The following CDC42BPB variants were observed in gnomAD, a reference collection of about 807,000 sequenced individuals.
CDC42BPB encodes the protein serine/threonine-protein kinase MRCK beta.
A neutral mutation model predicts 214.9 loss-of-function variants in CDC42BPB; 37 were observed. That is an observed-to-expected ratio of 0.17 (90% confidence interval 0.13 to 0.23). CDC42BPB has a LOEUF of 0.23. Among genes scored for constraint, CDC42BPB ranks in the 10% least tolerant of loss-of-function variants. The pLI is 1.00. For missense variants in CDC42BPB, 1,694 were observed against 2,227.0 expected (o/e 0.76, Z 4.82); for synonymous variants, 931 against 884.0 (o/e 1.05, Z -0.94).
At position 102,944,274 on chromosome 14, in the gene CDC42BPB, G is replaced by T; in HGVS notation, c.4025C>A (p.Thr1342Asn). 1 of 1,613,212 alleles carries T rather than the reference G, an allele frequency of 6.2e-7. No individual in the cohort carries two copies. Residue 1342 changes from threonine to asparagine, a missense_variant, in exon 30 of 37, where the codon ACC (threonine) becomes AAC (asparagine). Physicochemically the swap from Thr to Asn is moderately conservative, Grantham distance 65. Transcript: ENST00000361246. The surrounding 1 kb of genome is among the most constrained non-coding windows in gnomAD (Gnocchi z 6.6). The part of the protein sequence containing the change: ...ATATLKRNSG[T>N]CLFVAVKRLI... ...CCGTTTCACGGCCACAAACAGGCAG[G>T]TGCCAGAGTTCCTCTTGAGTGTGGC...
At chr14:102,953,152 C>T (rs913041518) in intron 23 of CDC42BPB, among the ~76,000 whole-genome samples, 9 of 152,244 alleles carry the variant, frequency 5.9e-5, no homozygotes, top group African/African-American at 2.2e-4. Context: ...GTGGTGCAGG[C>T]CATGCGGGAC....
intron 1 of CDC42BPB, among the ~76,000 whole-genome samples, chr14:103,049,116 T>C (rs1028019280): frequency 1.9e-4 from 29 of 152,278 alleles, no homozygotes; most frequent in Admixed American, 5.9e-4. Context: ...GGAGGGACAA[T>C]GTAGAACAGT....
At chr14:102,949,067 A>G (rs1340745643) in intron 26 of CDC42BPB, among the ~76,000 whole-genome samples, 1 of 152,186 alleles carries the variant, frequency 6.6e-6, no homozygotes, top group Non-Finnish European at 1.5e-5. Flanking sequence ...GCACCACACA[A>G]CAGACGGTGC....
chr14:103,056,343 A>T (rs1226315111), intron 1 of CDC42BPB, among the ~76,000 whole-genome samples: 6 of 152,166 alleles, frequency 3.9e-5, no homozygotes, highest in African/African-American at 1.4e-4. Context: ...AAGGTGTTAC[A>T]GCAAAGTAGG....
At chr14:103,008,425 G>T in intron 3 of CDC42BPB, 47 bp downstream of exon 3, 1 of 1,240,174 alleles carries the variant, frequency 8.1e-7, no homozygotes, top group Non-Finnish European at 1.2e-6. Flanking sequence ...GTCACTTTCT[G>T]CTCACCCCAA....
chr14:102,973,144 G>A (rs1379187973), intron 12 of CDC42BPB, among the ~76,000 whole-genome samples: 2 of 152,182 alleles, frequency 1.3e-5, no homozygotes, highest in African/African-American at 2.4e-5. Context: ...GCTCCCACAC[G>A]TGAAGGGGAG....
chr14:102,981,788 A>T (rs1286402519), intron 7 of CDC42BPB, among the ~76,000 whole-genome samples: 1 of 152,220 alleles, frequency 6.6e-6, no homozygotes, highest in African/African-American at 2.4e-5. Context: ...AAAACAAAAA[A>T]GATGGGGCAC....
chr14:103,032,286 C>T (rs1030325333), intron 1 of CDC42BPB, among the ~76,000 whole-genome samples: 1 of 152,146 alleles, frequency 6.6e-6, no homozygotes, highest in Admixed American at 6.5e-5. Flanking sequence ...CACACTTGGG[C>T]CTCAGGCCTC....
At chr14:102,993,483 A>G (rs1894588885) in intron 5 of CDC42BPB, among the ~76,000 whole-genome samples, 2 of 152,072 alleles carry the variant, frequency 1.3e-5, no homozygotes. Flanking sequence ...TTCTCATGAA[A>G]AAAGAGTGAA....
In CDC42BPB at chr14:102,949,936, C is replaced by T. The variant is rs960601437; in HGVS notation, c.3310-32G>A. The T allele has an allele frequency of 2.5e-6, 4 of 1,610,228 alleles. No homozygotes were observed. In the African/African-American group the frequency reaches 4.0e-5, roughly 16 times the overall value. On this transcript the variant is annotated intron_variant, in intron 25 of 36. Transcript: ENST00000361246. ...ATAAAAACAAACAGTGGCCACGTTC[C>T]ACCAGGCCAGGCAGGCCGCCAGGCC... is the stretch of plus-strand genomic sequence containing the variant.
At chr14:102,977,158 G>C (rs781671372) in intron 9 of CDC42BPB, among the ~76,000 whole-genome samples, 66 of 152,100 alleles carry the variant, frequency 4.3e-4, no homozygotes, top group Non-Finnish European at 8.2e-4. Context: ...GGCCAATATG[G>C]TGAAACCCTC....
chr14:103,048,739 T>G (rs1332558606), intron 1 of CDC42BPB, among the ~76,000 whole-genome samples: 3 of 148,418 alleles, frequency 2.0e-5, no homozygotes, highest in Admixed American at 6.7e-5. Context: ...CCAGGTGTGA[T>G]GGTGGGTGCC....
intron 1 of CDC42BPB, among the ~76,000 whole-genome samples, chr14:103,040,334 G>C (rs1251245477): frequency 6.6e-6 from 1 of 151,666 alleles, no homozygotes; most frequent in African/African-American, 2.4e-5. Context: ...TAGCCTGGGC[G>C]ACAGAGCAAG....
chr14:102,946,397 G>T, intron 28 of CDC42BPB, 71 bp downstream of exon 28: 1 of 1,516,528 alleles, frequency 6.6e-7, no homozygotes, highest in Non-Finnish European at 9.1e-7. Context: ...CTGATTTTCA[G>T]ATGGGCACTG....
intron 26 of CDC42BPB, chr14:102,948,069 T>C: frequency 1.5e-6 from 1 of 647,780 alleles, no homozygotes; most frequent in Non-Finnish European, 1.9e-6. Context: ...CTATGCCAGT[T>C]ACAGAAGACT....
chr14:102,963,294 C>T, intron 19 of CDC42BPB, 139 bp from the exon 20 acceptor site: 2 of 1,381,864 alleles, frequency 1.4e-6, no homozygotes. Context: ...CATGCTGGGC[C>T]TTTCTACTGC....
rs35419197 is a variant in CDC42BPB, at chr14:102,945,135, C to A, written c.3811+527G>T. ...CTTCTCGCTCCACGGCCATCACATG[C>A]AGAGATGCTGGGTCTGTCGGGAAAG... is the stretch of plus-strand genomic sequence containing the variant. On this transcript the variant is annotated intron_variant, in intron 29 of 36. Coordinates refer to ENST00000361246, the MANE Select transcript of CDC42BPB (RefSeq NM_006035.4). The A allele has an allele frequency of 6.8e-4, 282 of 417,214 alleles. 4 individuals are homozygous for A. The East Asian group carries it at 0.018, about 27-fold the overall frequency. The allele number at this position is 417,214 out of a possible 1,614,324, so 25.8% of individuals were successfully genotyped here.
intron 34 of CDC42BPB, among the ~76,000 whole-genome samples, chr14:102,939,161 G>T (rs1434181028): frequency 6.6e-6 from 1 of 151,640 alleles, no homozygotes; most frequent in African/African-American, 2.4e-5. Context: ...GGATGGTCTC[G>T]ATCTCCTGAC....
chr14:103,022,252 G>C (rs920573773), intron 1 of CDC42BPB, among the ~76,000 whole-genome samples: 6 of 152,200 alleles, frequency 3.9e-5, no homozygotes, highest in African/African-American at 1.4e-4. Flanking sequence ...GAGACCACAG[G>C]TGGCCTTGAC....
Sources: gnomAD v4.1 joint callset for allele counts (sites outside exome capture counted in the v4.1 genomes callset) on GRCh38, gnomAD v4.1.1 for gene constraint, Gnocchi (gnomAD v3.1) non-coding constraint, MANE v1.5 for transcripts, NCBI Gene and HGNC (gene_info 2026-07-23, HGNC 2026-07-21) for gene names.